PDE4D: variants seen among roughly 807,000 people sequenced by gnomAD.
PDE4D encodes the protein 3',5'-cyclic-AMP phosphodiesterase 4D.
PDE4D carries 24 observed loss-of-function variants against 87.4 expected under a neutral mutation model. That is an observed-to-expected ratio of 0.27 (90% CI 0.20 to 0.39). The LOEUF (loss-of-function observed/expected upper bound fraction) is 0.39. Ranked by LOEUF, PDE4D falls within the 10% of genes least tolerant of loss-of-function variation. The pLI is 1.00. For synonymous variants in PDE4D, 384 were observed against 383.2 expected (o/e 1.00, Z -0.02); for missense variants, 714 against 1,041.0 (o/e 0.69, Z 4.32).
chr5:60,498,842 C>T (rs1417760198), intron 1 of PDE4D, among the ~76,000 whole-genome samples: 11 of 152,176 alleles, frequency 7.2e-5, no homozygotes, highest in Admixed American at 7.2e-4. Flanking sequence ...CTTAGCCCAG[C>T]AGAGACTCAA....
rs369965940 is a variant in PDE4D at position 59,668,772 on chromosome 5, AAGAAAG to A, written c.455+224390_455+224395del. ...AGAAGAAGAAAGAAGAAAGAAGAAG[AAGAAAG>A]AAGAAGAAGAAGAAAGAAGAAGAAG... On this transcript the variant is annotated intron_variant, in intron 1 of 14. Transcript: ENST00000340635. Among the ~76,000 whole-genome samples the A allele has an allele frequency of 6.2e-3, 884 of 141,936 alleles. 48 individuals are homozygous for A. Among genetic ancestry groups the A allele is most frequent in the Non-Finnish European group, 7.9e-3 (508 of 64,310 alleles). The allele number at this position is 141,936 out of a possible 152,430, so 93.1% of individuals were successfully genotyped here.
chr5:59,095,095 T>A (rs371376216), intron 5 of PDE4D, among the ~76,000 whole-genome samples: 27 of 152,024 alleles, frequency 1.8e-4, no homozygotes, highest in African/African-American at 6.0e-4. Context: ...AAATACTCAT[T>A]CTGAAGTCAG....
intron 3 of PDE4D, among the ~76,000 whole-genome samples, chr5:59,932,057 A>G (rs1756022338): frequency 6.6e-6 from 1 of 152,194 alleles, no homozygotes; most frequent in African/African-American, 2.4e-5. Context: ...AAGCCATGGC[A>G]CATATGCCTT....
chr5:60,015,337 T>C (rs1765402695), intron 2 of PDE4D, among the ~76,000 whole-genome samples: 4 of 152,196 alleles, frequency 2.6e-5, no homozygotes, highest in Non-Finnish European at 5.9e-5. Context: ...CATATGCTAT[T>C]CCTCACACCA....
chr5:59,559,684 C>G (rs1268159308), intron 1 of PDE4D, among the ~76,000 whole-genome samples: 1 of 152,050 alleles, frequency 6.6e-6, no homozygotes, highest in African/African-American at 2.4e-5. Flanking sequence ...TGATAAAATA[C>G]ACTTTAAAGA....
intron 2 of PDE4D, among the ~76,000 whole-genome samples, chr5:60,059,509 T>C (rs573203191): frequency 6.6e-5 from 10 of 151,860 alleles, no homozygotes; most frequent in Non-Finnish European, 1.5e-4. Flanking sequence ...TGTCAACAGA[T>C]GTATAGATGA....
At chr5:59,269,134 T>C (rs1763357522) in intron 1 of PDE4D, among the ~76,000 whole-genome samples, 2 of 151,704 alleles carry the variant, frequency 1.3e-5, no homozygotes, top group South Asian at 4.1e-4. Flanking sequence ...CAGGACTAAG[T>C]ATTATTGCAC....
chr5:60,145,153 G>A (rs1270641519), intron 2 of PDE4D, among the ~76,000 whole-genome samples: 1 of 152,002 alleles, frequency 6.6e-6, no homozygotes, highest in Non-Finnish European at 1.5e-5. Context: ...ATTTAAATAA[G>A]CTTGATTTAT....
intron 1 of PDE4D, among the ~76,000 whole-genome samples, chr5:59,760,033 T>A (rs922391618): frequency 2.0e-5 from 3 of 152,224 alleles, no homozygotes; most frequent in Non-Finnish European, 4.4e-5. Context: ...TGTGTATATG[T>A]GTATTTTTAC....
At chr5:59,305,117 C>T (rs1383695576) in intron 1 of PDE4D, among the ~76,000 whole-genome samples, 1 of 152,066 alleles carries the variant, frequency 6.6e-6, no homozygotes, top group African/African-American at 2.4e-5. Context: ...CTGATTTAAG[C>T]TAGGAGTGTT....
chr5:59,152,185 T>C (rs1207683433), intron 5 of PDE4D, among the ~76,000 whole-genome samples: 1 of 152,122 alleles, frequency 6.6e-6, no homozygotes, highest in African/African-American at 2.4e-5. Context: ...GAATAATAAT[T>C]TTACCTACCT....
chr5:60,408,671 A>C (rs897396380), intron 1 of PDE4D, among the ~76,000 whole-genome samples: 3 of 152,200 alleles, frequency 2.0e-5, no homozygotes, highest in African/African-American at 7.2e-5. Flanking sequence ...TATCAAAAAA[A>C]GTGTGAAAGA....
intron 11 of PDE4D, among the ~76,000 whole-genome samples, chr5:58,987,721 TTTTATAATCTACCATAA>T (rs1746801723): frequency 6.6e-6 from 1 of 152,202 alleles, no homozygotes; most frequent in Non-Finnish European, 1.5e-5. Context: ...GAATTTATGA[TTTTATAATCTACCATAA>T]TTTATAATCT....
intron 10 of PDE4D, among the ~76,000 whole-genome samples, chr5:58,989,305 C>T (rs555770059): frequency 1.4e-4 from 22 of 151,932 alleles, no homozygotes. Context: ...AATCAAATTG[C>T]TTTAGTAAAC....
chr5:59,637,303 T>C (rs1371929776), intron 1 of PDE4D, among the ~76,000 whole-genome samples: 1 of 152,142 alleles, frequency 6.6e-6, no homozygotes, highest in Non-Finnish European at 1.5e-5. Context: ...GGTGGGAGTG[T>C]AAATTGGTTC....
chr5:60,314,247 A>G (rs929327161), intron 1 of PDE4D, among the ~76,000 whole-genome samples: 6 of 151,844 alleles, frequency 4.0e-5, no homozygotes, highest in Non-Finnish European at 7.4e-5. Context: ...GCTCACTGCA[A>G]CCTCCATCTC....
intron 3 of PDE4D, among the ~76,000 whole-genome samples, chr5:59,931,694 C>CTTTTT (rs35943138): frequency 7.6e-4 from 96 of 126,566 alleles, no homozygotes; most frequent in Middle Eastern, 4.8e-3. Context: ...TCTTCTTCTT[C>CTTTTT]TTTTTTTTTT....
At chr5:59,076,492 G>A (rs1765698745) in intron 5 of PDE4D, among the ~76,000 whole-genome samples, 1 of 152,114 alleles carries the variant, frequency 6.6e-6, no homozygotes, top group African/African-American at 2.4e-5. Context: ...TGAAAATGTG[G>A]AATGTGAGGA....
chr5:60,407,237 G>A (rs563230061), intron 1 of PDE4D, among the ~76,000 whole-genome samples: 2 of 151,966 alleles, frequency 1.3e-5, no homozygotes, highest in African/African-American at 2.4e-5. Context: ...CTTAGCTCCC[G>A]AGCACACTGG....
Sources: allele counts gnomAD v4.1 joint callset (sites outside exome capture counted in the v4.1 genomes callset), GRCh38; gene constraint gnomAD v4.1.1; transcripts MANE v1.5; gene names NCBI Gene and HGNC (gene_info 2026-07-23, HGNC 2026-07-21).